The following CCDC7 variants were observed in gnomAD, a reference collection of about 807,000 sequenced individuals.
The protein encoded by CCDC7 is coiled-coil domain containing 7, also known as coiled-coil domain-containing protein 7.
CCDC7 carries 183 observed loss-of-function variants against 196.9 expected under a neutral mutation model. That is an observed-to-expected ratio of 0.93 (90% CI 0.82 to 1.05). The LOEUF (loss-of-function observed/expected upper bound fraction) is 1.05, where lower values mean the gene tolerates loss of function less well. Among genes scored for constraint, CCDC7 ranks in the 50% least tolerant of loss-of-function variants. The probability of loss-of-function intolerance (pLI) is 0.00; values close to 1 mark genes in which losing one functional copy is unlikely to be tolerated. For synonymous variants in CCDC7, 525 were observed against 484.6 expected (o/e 1.08, Z -1.10); for missense variants, 1,540 against 1,482.2 (o/e 1.04, Z -0.64).
At chr10:32,494,197 T>C (rs1334723540) in intron 9 of CCDC7, among the ~76,000 whole-genome samples, 1 of 152,206 alleles carries the variant, frequency 6.6e-6, no homozygotes, top group African/African-American at 2.4e-5. Flanking sequence ...TTAATTCATT[T>C]TGGGTCTATT....
intron 28 of CCDC7, among the ~76,000 whole-genome samples, chr10:32,758,225 A>G (rs2076806875): frequency 6.6e-6 from 1 of 152,230 alleles, no homozygotes; most frequent in Non-Finnish European, 1.5e-5. Context: ...ATAGAAAAAG[A>G]GGGAATCCTC....
chr10:32,770,906 C>T (rs2079066476), intron 28 of CCDC7, among the ~76,000 whole-genome samples: 1 of 152,118 alleles, frequency 6.6e-6, no homozygotes, highest in South Asian at 2.1e-4. Flanking sequence ...AATAGCTACT[C>T]TTGCTCACTT....
chr10:32,654,775 G>T (rs2069461975), intron 20 of CCDC7, among the ~76,000 whole-genome samples: 1 of 152,110 alleles, frequency 6.6e-6, no homozygotes, highest in Non-Finnish European at 1.5e-5. Context: ...AGAGATCTGG[G>T]AATATTCATG....
At chr10:32,477,612 CTA>C (rs2039246133) in intron 8 of CCDC7, among the ~76,000 whole-genome samples, 1 of 151,134 alleles carries the variant, frequency 6.6e-6, no homozygotes, top group Admixed American at 6.6e-5. Flanking sequence ...GAGAAGAGTA[CTA>C]TTTCTTCATT....
intron 20 of CCDC7, among the ~76,000 whole-genome samples, chr10:32,655,224 C>T (rs2069570208): frequency 6.6e-6 from 1 of 152,062 alleles, no homozygotes; most frequent in Admixed American, 6.5e-5. Context: ...GACTGGGTTA[C>T]CAAGGACCTA....
chr10:32,522,687 A>T (rs976862324), intron 11 of CCDC7, among the ~76,000 whole-genome samples: 13 of 151,292 alleles, frequency 8.6e-5, no homozygotes, highest in Admixed American at 6.6e-5. Flanking sequence ...GATCTTTATT[A>T]TTTCTTCTAC....
At chr10:32,476,600 T>A (rs1425322455) in intron 8 of CCDC7, among the ~76,000 whole-genome samples, 4 of 152,222 alleles carry the variant, frequency 2.6e-5, no homozygotes, top group African/African-American at 4.8e-5. Flanking sequence ...CTAAGTCATA[T>A]AATAAGAGTT....
chr10:32,869,691 G>T (rs1409764221), intron 41 of CCDC7, among the ~76,000 whole-genome samples: 2 of 152,008 alleles, frequency 1.3e-5, no homozygotes, highest in Admixed American at 1.3e-4. Flanking sequence ...GGTTTTTATG[G>T]GTTTAGGTCT....
chr10:32,654,962 G>A (rs922107811), intron 20 of CCDC7, among the ~76,000 whole-genome samples: 1 of 152,150 alleles, frequency 6.6e-6, no homozygotes, highest in African/African-American at 2.4e-5. Context: ...ACTATGTTAA[G>A]CAGTTACCAC....
Position 32,706,102 on chromosome 10 carries a change from A to T in CCDC7, c.2459-5518A>T, listed in dbSNP as rs1053001250. Reference sequence around the variant, plus strand: ...CTCCTCAGCAAATGTAAAAGCAAAGAAATTATAACAAACTGTCTCTCAGAC... The same window carrying T: ...CTCCTCAGCAAATGTAAAAGCAAAGTAATTATAACAAACTGTCTCTCAGAC... On this transcript the variant is annotated intron_variant, in intron 24 of 41. Transcript: ENST00000639629. Among the ~76,000 whole-genome samples, 10 of 152,254 alleles carry T rather than the reference A, an allele frequency of 6.6e-5. No homozygotes were observed. In the East Asian group the frequency reaches 1.9e-3, roughly 29 times the overall value.
chr10:32,871,076 C>G (rs544197040), intron 41 of CCDC7, among the ~76,000 whole-genome samples: 60 of 152,182 alleles, frequency 3.9e-4, no homozygotes, highest in African/African-American at 1.3e-3. Flanking sequence ...TTTGTTGTGT[C>G]TCTGCCAGGC....
At chr10:32,668,844 C>G (rs1279612728) in intron 21 of CCDC7, among the ~76,000 whole-genome samples, 1 of 151,804 alleles carries the variant, frequency 6.6e-6, no homozygotes, top group Non-Finnish European at 1.5e-5. Context: ...GTTATCTGAC[C>G]AAGATAATTT....
chr10:32,703,882 C>T (rs2079209067), intron 24 of CCDC7, among the ~76,000 whole-genome samples: 1 of 152,040 alleles, frequency 6.6e-6, no homozygotes, highest in African/African-American at 2.4e-5. Flanking sequence ...CTTTAAGGAC[C>T]TCTCTGCATT....
chr10:32,615,987 T>C (rs537028157), intron 18 of CCDC7, among the ~76,000 whole-genome samples: 108 of 151,836 alleles, frequency 7.1e-4, no homozygotes, highest in African/African-American at 2.5e-3. Flanking sequence ...ATTGCAGGTA[T>C]ATTGTTCTTT....
chr10:32,443,841 A>G (rs2030465378), upstream of CCDC7, among the ~76,000 whole-genome samples: 1 of 152,026 alleles, frequency 6.6e-6, no homozygotes, highest in South Asian at 2.1e-4. Context: ...ATCTTCTTGG[A>G]TTTTGATCAT....
intron 28 of CCDC7, among the ~76,000 whole-genome samples, chr10:32,738,092 G>T (rs970501495): frequency 2.0e-5 from 3 of 151,904 alleles, no homozygotes; most frequent in African/African-American, 7.3e-5. Context: ...CTAGTTCTTT[G>T]TTTCTTTTTC....
At chr10:32,547,576 C>T (rs758636421) in intron 13 of CCDC7, among the ~76,000 whole-genome samples, 21 of 151,188 alleles carry the variant, frequency 1.4e-4, no homozygotes, top group African/African-American at 3.9e-4. Flanking sequence ...TTTTGCCTGC[C>T]GTCTTATTTT....
chr10:32,850,774 AACAC>A (rs59662474), intron 39 of CCDC7, among the ~76,000 whole-genome samples: 7,827 of 146,650 alleles, frequency 0.053, 464 homozygotes, highest in African/African-American at 0.15. Flanking sequence ...TGTCTCTGAC[AACAC>A]ACACACACAC....
intron 36 of CCDC7, 52 bp from the exon 38 acceptor site, chr10:32,846,324 G>A (rs2093291476): frequency 9.4e-7 from 1 of 1,065,160 alleles, no homozygotes; most frequent in African/African-American, 1.6e-5. Flanking sequence ...GTATACACAT[G>A]TATGGTAATG....
Sources: allele counts gnomAD v4.1 joint callset (sites outside exome capture counted in the v4.1 genomes callset), GRCh38; gene constraint gnomAD v4.1.1; transcripts MANE v1.5; gene names NCBI Gene and HGNC (gene_info 2026-07-23, HGNC 2026-07-21).